ERBB4: variants seen among roughly 807,000 people sequenced by gnomAD.
The protein encoded by ERBB4 is receptor tyrosine-protein kinase erbB-4.
A neutral mutation model predicts 158.0 loss-of-function variants in ERBB4; 42 were observed. That is an observed-to-expected ratio of 0.27 (90% CI 0.21 to 0.34). The LOEUF (loss-of-function observed/expected upper bound fraction) is 0.34, where lower values mean the gene tolerates loss of function less well. ERBB4 is among the 10% of genes least tolerant of loss of function. The probability of loss-of-function intolerance (pLI) is 1.00; values close to 1 mark genes in which losing one functional copy is unlikely to be tolerated. For missense variants in ERBB4, 1,333 were observed against 1,624.1 expected, an observed-to-expected ratio of 0.82 and a Z score of 3.08; for synonymous variants, 583 against 558.7, an observed-to-expected ratio of 1.04 and a Z score of -0.61.
At chr2:211,543,727 G>T (rs2066872235) in intron 20 of ERBB4, among the ~76,000 whole-genome samples, 1 of 151,640 alleles carries the variant, frequency 6.6e-6, no homozygotes, top group Non-Finnish European at 1.5e-5. Flanking sequence ...GGAAAATATG[G>T]GTTTATAATG....
intron 20 of ERBB4, among the ~76,000 whole-genome samples, chr2:211,448,878 G>T (rs2064175565): frequency 6.6e-6 from 1 of 152,000 alleles, no homozygotes; most frequent in South Asian, 2.1e-4. Context: ...AAAATTAAAT[G>T]CACATTTTTT....
chr2:212,040,234 T>A (rs529646895), intron 2 of ERBB4, among the ~76,000 whole-genome samples: 2 of 152,184 alleles, frequency 1.3e-5, no homozygotes, highest in African/African-American at 4.8e-5. Flanking sequence ...TATGTACTTT[T>A]TAAGTAGTTT....
intron 10 of ERBB4, among the ~76,000 whole-genome samples, chr2:211,704,989 A>T (rs2073384466): frequency 6.6e-6 from 1 of 151,752 alleles, no homozygotes; most frequent in South Asian, 2.1e-4. Context: ...ATGGAGTCTC[A>T]CTCTATTGCC....
At chr2:211,419,137 T>C (rs1177022242) in intron 25 of ERBB4, among the ~76,000 whole-genome samples, 1 of 150,904 alleles carries the variant, frequency 6.6e-6, no homozygotes, top group Non-Finnish European at 1.5e-5. Flanking sequence ...TCAGTAACTT[T>C]GAAGCAAACC....
chr2:212,360,342 T>C (rs1334872053), intron 1 of ERBB4, among the ~76,000 whole-genome samples: 1 of 151,672 alleles, frequency 6.6e-6, no homozygotes, highest in Non-Finnish European at 1.5e-5. Context: ...CTCCTTGCCC[T>C]TTCCCACATC....
chr2:212,522,475 A>C (rs1386968213), intron 1 of ERBB4, among the ~76,000 whole-genome samples: 3 of 151,986 alleles, frequency 2.0e-5, no homozygotes, highest in Non-Finnish European at 4.4e-5. Flanking sequence ...AGATGCTGTG[A>C]CATATCCAAG....
At chr2:212,042,040 C>A (rs1216555614) in intron 2 of ERBB4, among the ~76,000 whole-genome samples, 1 of 152,006 alleles carries the variant, frequency 6.6e-6, no homozygotes. Flanking sequence ...GCTCTATTAT[C>A]TCCTTTTTTC....
At chr2:212,185,856 C>T (rs537805266) in intron 1 of ERBB4, among the ~76,000 whole-genome samples, 1 of 152,178 alleles carries the variant, frequency 6.6e-6, no homozygotes, top group African/African-American at 2.4e-5. Flanking sequence ...TCTTCATGCA[C>T]ATAAAGTACA....
chr2:212,178,621 T>C (rs908265703), intron 1 of ERBB4, among the ~76,000 whole-genome samples: 3 of 151,800 alleles, frequency 2.0e-5, no homozygotes, highest in Admixed American at 1.3e-4. Flanking sequence ...AAAATATATA[T>C]CATGAAATTC....
At chr2:212,524,964 A>G (rs1223246881) in intron 1 of ERBB4, among the ~76,000 whole-genome samples, 2 of 152,010 alleles carry the variant, frequency 1.3e-5, no homozygotes, top group East Asian at 1.9e-4. Flanking sequence ...CCACGTATTA[A>G]CTCTTTACTT....
At chr2:212,204,475 A>G (rs1003155659) in intron 1 of ERBB4, among the ~76,000 whole-genome samples, 2 of 152,100 alleles carry the variant, frequency 1.3e-5, no homozygotes, top group Admixed American at 6.5e-5. Context: ...AGACAGGCTG[A>G]TCATTTGAGG....
At chr2:212,063,532 C>T (rs567188458) in intron 2 of ERBB4, among the ~76,000 whole-genome samples, 1 of 151,704 alleles carries the variant, frequency 6.6e-6, no homozygotes, top group African/African-American at 2.4e-5. Flanking sequence ...CATTTAAATA[C>T]TAGAAAAATA....
chr2:212,253,912 A>T (rs1429368323), intron 1 of ERBB4, among the ~76,000 whole-genome samples: 2 of 152,102 alleles, frequency 1.3e-5, no homozygotes, highest in African/African-American at 2.4e-5. Context: ...TAGCCTGCAC[A>T]CCTGTATAGT....
intron 25 of ERBB4, among the ~76,000 whole-genome samples, chr2:211,414,151 C>G (rs552146763): frequency 6.5e-4 from 99 of 152,244 alleles, no homozygotes; most frequent in Non-Finnish European, 1.0e-3. Context: ...CTACCTCTAT[C>G]AGAGGTAGGC....
chr2:211,574,913 C>T (rs1462175584), intron 19 of ERBB4, among the ~76,000 whole-genome samples: 1 of 152,198 alleles, frequency 6.6e-6, no homozygotes, highest in Non-Finnish European at 1.5e-5. Flanking sequence ...TTAATAATGA[C>T]TGCTACTTCT....
intron 4 of ERBB4, among the ~76,000 whole-genome samples, chr2:211,785,981 C>A (rs1167361258): frequency 6.6e-6 from 1 of 152,022 alleles, no homozygotes; most frequent in Non-Finnish European, 1.5e-5. Context: ...CTACAGTGTC[C>A]ATTGCCTCAA....
At chr2:211,445,141 T>C (rs987858235) in intron 20 of ERBB4, among the ~76,000 whole-genome samples, 2 of 152,102 alleles carry the variant, frequency 1.3e-5, no homozygotes, top group Admixed American at 1.3e-4. Context: ...TGTGATTACC[T>C]AACATGACGT....
At chr2:211,879,186 T>C (rs937161008) in intron 3 of ERBB4, among the ~76,000 whole-genome samples, 2 of 151,844 alleles carry the variant, frequency 1.3e-5, no homozygotes, top group African/African-American at 4.8e-5. Context: ...ATATCACAAA[T>C]GTCTGCATAA....
At chr2:211,618,738 CAT>C in intron 19 of ERBB4, among the ~76,000 whole-genome samples, 1 of 152,254 alleles carries the variant, frequency 6.6e-6, no homozygotes, top group African/African-American at 2.4e-5. Flanking sequence ...ACCACCACCA[CAT>C]AGTCTTTCTA....
Sources: gnomAD v4.1 joint callset for allele counts (sites outside exome capture counted in the v4.1 genomes callset) on GRCh38, gnomAD v4.1.1 for gene constraint, MANE v1.5 for transcripts, NCBI Gene and HGNC (gene_info 2026-07-23, HGNC 2026-07-21) for gene names.